CWC15: variants seen among roughly 807,000 people sequenced by gnomAD.
CWC15 encodes spliceosome-associated protein CWC15 homolog.
A neutral mutation model predicts 28.4 loss-of-function variants in CWC15; 12 were observed. The observed-to-expected ratio is 0.42, with a 90% CI of 0.27 to 0.69. CWC15 has a LOEUF of 0.69. CWC15 is among the 30% of genes least tolerant of loss of function. The pLI, the probability that CWC15 is intolerant of heterozygous loss-of-function variation, is 0.23. For missense variants in CWC15, 192 were observed against 271.5 expected, an observed-to-expected ratio of 0.71 and a Z score of 2.06; for synonymous variants, 92 against 88.4, an observed-to-expected ratio of 1.04 and a Z score of -0.23.
rs1345074504 is a variant in CWC15 at position 94,962,927 on chromosome 11, C to T, written c.*458G>A. The T allele has an allele frequency of 1.3e-5, 2 of 152,464 alleles. No homozygotes were observed. Among genetic ancestry groups the T allele is most frequent in the Non-Finnish European group, 2.9e-5 (2 of 68,256 alleles). The allele number at this position is 152,464 out of a possible 1,614,324, so 9.4% of individuals were successfully genotyped here. A position where few individuals can be genotyped will look rare whatever the true frequency, so the allele number is the denominator to read the frequency against. ...TGGTCCAAAATAGAATCCCTCTCATCTTCCATTACACTCTTTTAAAAAATG... is the reference window on the plus strand; with the variant it reads ...TGGTCCAAAATAGAATCCCTCTCATTTTCCATTACACTCTTTTAAAAAATG... On this transcript the variant is annotated 3_prime_UTR_variant, in exon 7 of 7. Transcript: ENST00000279839.
At chr11:94,968,776 C>T (rs905242324) in intron 5 of CWC15, among the ~76,000 whole-genome samples, 53 of 152,150 alleles carry the variant, frequency 3.5e-4, no homozygotes, top group Admixed American at 2.6e-4. Context: ...CTTCCCTGGC[C>T]CTCCTGATTC....
chr11:94,963,110 C>T lies in CWC15; in HGVS notation c.*275G>A. The T allele has an allele frequency of 4.4e-6, 1 of 229,494 alleles. No homozygotes were observed. Among genetic ancestry groups the T allele is most frequent in the Non-Finnish European group, 8.4e-6 (1 of 119,592 alleles). 14.2% of individuals were successfully genotyped at this position (229,494 alleles called of 1,614,324 possible). On this transcript the variant is annotated 3_prime_UTR_variant, in exon 7 of 7. Coordinates refer to ENST00000279839, the MANE Select transcript of CWC15 (RefSeq NM_016403.4). ...TAAATTCCAACAAAAAGTTGGGCAC[C>T]CAGATTTGGTTATTTAGATTAAAAA...
In CWC15 at chr11:94,963,265, G is replaced by A. The variant is rs956260379; in HGVS notation, c.*120C>T. On this transcript the variant is annotated 3_prime_UTR_variant, in exon 7 of 7. Transcript: ENST00000279839. Reference sequence around the variant, plus strand: ...GGTATCACTAAAGAAAAAGATAGGAGTTTAAAACTGGGGAAGCCCACACAC... The same window carrying A: ...GGTATCACTAAAGAAAAAGATAGGAATTTAAAACTGGGGAAGCCCACACAC... 48 of 738,950 alleles carry A rather than the reference G, an allele frequency of 6.5e-5. No homozygotes were observed. The highest frequency in any genetic ancestry group is 8.8e-5 in the Non-Finnish European group (44 of 497,542). The allele number at this position is 738,950 out of a possible 1,614,324, so 45.8% of individuals were successfully genotyped here.
intron 6 of CWC15, among the ~76,000 whole-genome samples, chr11:94,964,643 T>A (rs587687763): frequency 7.2e-5 from 11 of 152,238 alleles, no homozygotes; most frequent in Admixed American, 5.2e-4. Flanking sequence ...TTGTCCTCGA[T>A]GATCACTCCT....
At chr11:94,969,612 G>A (rs1318939769) in intron 5 of CWC15, among the ~76,000 whole-genome samples, 6 of 152,150 alleles carry the variant, frequency 3.9e-5, no homozygotes, top group African/African-American at 1.2e-4. Context: ...TCTACTGACT[G>A]ATTGCCTTAA....
Position 94,970,991 on chromosome 11 carries a change from C to T in CWC15, c.319G>A (p.Asp107Asn), listed in dbSNP as rs1555096100. ...ACAAAACATACATCTGTTAGAGGGT[C>T]ATCTGCATCAAGGTTGGCGGCAGGA... ...QIPAANLDAD[D>N]PLTDEEDEDF... The change falls in exon 4 of 7, where the codon GAC (aspartate) becomes AAC (asparagine). Residue 107 changes from aspartate (D) to asparagine (N), a missense_variant. By Grantham distance (23) the Asp-to-Asn change is conservative. Around this residue, in one of 2 missense-constraint regions of CWC15, gnomAD observed 188 missense variants for 250.3 expected, o/e 0.75. Coordinates refer to ENST00000279839, the MANE Select transcript of CWC15 (RefSeq NM_016403.4). 6.2e-7 allele frequency: 1 copy of T among 1,612,520 alleles called. No homozygotes were observed. The highest frequency in any genetic ancestry group is 1.1e-5 in the South Asian group (1 of 91,054).
intron 1 of CWC15, among the ~76,000 whole-genome samples, chr11:94,972,851 A>C (rs925853538): frequency 1.1e-4 from 17 of 152,224 alleles, no homozygotes; most frequent in African/African-American, 3.9e-4. Flanking sequence ...GTGGGTTATA[A>C]TTTAAGGCCT....
intron 1 of CWC15, among the ~76,000 whole-genome samples, chr11:94,973,064 T>G (rs1367403073): frequency 6.8e-6 from 1 of 146,486 alleles, no homozygotes. Flanking sequence ...GGGGCGATGC[T>G]AATTCTCTCA....
chr11:94,970,326 T>A, intron 4 of CWC15: 1 of 368,962 alleles, frequency 2.7e-6, no homozygotes, highest in South Asian at 6.3e-5. Flanking sequence ...TTAGGTTTCC[T>A]GTTTTAACTA....
intron 1 of CWC15, among the ~76,000 whole-genome samples, 197 bp from the exon 2 acceptor site, chr11:94,972,390 C>T (rs1301589395): frequency 1.3e-5 from 2 of 152,122 alleles, no homozygotes; most frequent in Admixed American, 1.3e-4. Flanking sequence ...CTCAGGCTTG[C>T]CTTAGTACAA....
intron 5 of CWC15, among the ~76,000 whole-genome samples, chr11:94,969,414 A>G (rs1555095802): frequency 6.6e-6 from 1 of 152,158 alleles, no homozygotes; most frequent in Non-Finnish European, 1.5e-5. Flanking sequence ...CTCCTTCAGT[A>G]TTGTTTTGCA....
intron 6 of CWC15, among the ~76,000 whole-genome samples, chr11:94,964,914 G>A (rs1467039257): frequency 6.6e-6 from 1 of 152,182 alleles, no homozygotes; most frequent in African/African-American, 2.4e-5. Flanking sequence ...CCTGTCTTAT[G>A]GCTTTAAAAA....
rs587619162 is a variant in CWC15, at chr11:94,973,110, G to A, written c.-9+388C>T. On this transcript the variant is annotated intron_variant, in intron 1 of 6. Coordinates refer to ENST00000279839, the MANE Select transcript of CWC15 (RefSeq NM_016403.4). ...AGGGTAGAGACATGTATACAAAGAA[G>A]AAAACAGGGTTATCTGGCGCTGGGG... 2.1e-4 allele frequency among the ~76,000 whole-genome samples: 32 copies of A among 151,550 alleles called. 1 individual carries two copies. In the South Asian group the frequency reaches 6.5e-3, roughly 31 times the overall value.
intron 4 of CWC15, 126 bp downstream of exon 4, chr11:94,970,851 G>A (rs1857709308): frequency 1.3e-6 from 1 of 796,252 alleles, no homozygotes; most frequent in South Asian, 1.5e-5. Context: ...CTGAGGTCAG[G>A]GCTATATTTG....
chr11:94,973,227 C>T (rs1276399310), intron 1 of CWC15: 1 of 152,340 alleles, frequency 6.6e-6, no homozygotes, highest in Non-Finnish European at 1.5e-5. Flanking sequence ...TGCCTCTTCA[C>T]CCGTGCCCAG....
chr11:94,973,521 G>C lies in CWC15; in HGVS notation c.-32C>G, dbSNP rs1489336903. On this transcript the variant is annotated 5_prime_UTR_variant, in exon 1 of 7. Transcript: ENST00000279839. ...ACACTGGCCGAGGTCCGATGCAGCA[G>C]GCTCCGAAGATCATACAGACGCCAT... is the stretch of plus-strand genomic sequence containing the variant. 6.6e-6 allele frequency: 1 copy of C among 152,418 alleles called. No individual in the cohort carries two copies. The highest frequency in any genetic ancestry group is 2.4e-5 in the African/African-American group (1 of 41,460). The allele number at this position is 152,418 out of a possible 1,614,324, so 9.4% of individuals were successfully genotyped here.
At position 94,971,605 on chromosome 11, in the gene CWC15, AG is replaced by A. The variant is rs1857723412; in HGVS notation, c.132-119del. On this transcript the variant is annotated intron_variant, in intron 2 of 6. Transcript: ENST00000279839. ...AGACTTTGTCCTTCAAGCAGAAAAA[AG>A]GGAAGTAGACAAGATCATAATTTAA... The A allele has an allele frequency of 1.9e-5, 12 of 622,900 alleles. No homozygotes were observed. In the Admixed American group the frequency reaches 3.6e-4, roughly 19 times the overall value. 38.6% of individuals were successfully genotyped at this position (622,900 alleles called of 1,614,324 possible).
rs1555096196 is a variant in CWC15, at chr11:94,971,389, T to C, written c.230A>G (p.Asp77Gly). The part of the protein sequence containing the change: ...ERAAAREKNR[D>G]RPTREHTTSS... ...AGTGTTGGTACCTCGGGTTGGACGA[T>C]CCCTATTTTTCTCTCTTGCAGCAGC... The change falls in exon 3 of 7, where the codon GAT becomes GGT. Residue 77 changes from aspartate (D) to glycine (G), a missense_variant. Around this residue, in one of 2 missense-constraint regions of CWC15, gnomAD observed 188 missense variants for 250.3 expected, o/e 0.75. Coordinates refer to ENST00000279839, the MANE Select transcript of CWC15 (RefSeq NM_016403.4). 1 of 1,611,646 alleles carries C rather than the reference T, an allele frequency of 6.2e-7. No homozygotes were observed. Among genetic ancestry groups the C allele is most frequent in the Non-Finnish European group, 8.5e-7 (1 of 1,178,534 alleles).
chr11:94,971,752 G>A (rs1857724965), intron 2 of CWC15, among the ~76,000 whole-genome samples: 1 of 152,092 alleles, frequency 6.6e-6, no homozygotes, highest in South Asian at 2.1e-4. Flanking sequence ...ATTTTTATTA[G>A]GATTATATCA....
Sources: allele counts gnomAD v4.1 joint callset (sites outside exome capture counted in the v4.1 genomes callset), GRCh38; gene constraint gnomAD v4.1.1; regional missense constraint gnomAD v4.1.1; transcripts MANE v1.5; gene names NCBI Gene and HGNC (gene_info 2026-07-23, HGNC 2026-07-21).